Variants in CHN1 observed in about 807,000 individuals in gnomAD.
CHN1 encodes the protein N-chimaerin.
A neutral mutation model predicts 59.5 loss-of-function variants in CHN1; 37 were observed. That is an observed-to-expected ratio of 0.62 (90% CI 0.48 to 0.82). CHN1 has a LOEUF of 0.82. CHN1 is among the 40% of genes least tolerant of loss of function. CHN1 has a pLI of 0.00. For synonymous variants in CHN1, 206 were observed against 200.4 expected, an observed-to-expected ratio of 1.03 and a Z score of -0.24; for missense variants, 469 against 571.0, an observed-to-expected ratio of 0.82 and a Z score of 1.82.
In CHN1 at chr2:174,990,215, T is replaced by G. The variant is rs1331631130; in HGVS notation, c.19+14679A>C. ...ATTGGCAGACTTGGTGTGTGCGGGG[T>G]GTGTGTGTGTGGTGTGTCTGTGTGT... On this transcript the variant is annotated intron_variant, in intron 1 of 12. Transcript: ENST00000409900. Among the ~76,000 whole-genome samples the G allele has an allele frequency of 4.8e-5, 7 of 144,732 alleles. No individual in the cohort carries two copies. In the East Asian group the frequency reaches 1.2e-3, roughly 25 times the overall value. 94.9% of individuals were successfully genotyped at this position (144,732 alleles called of 152,430 possible).
At chr2:174,827,794 C>T (rs954386051) in intron 7 of CHN1, among the ~76,000 whole-genome samples, 3 of 151,922 alleles carry the variant, frequency 2.0e-5, no homozygotes, top group Non-Finnish European at 4.4e-5. Context: ...ACAGAGGCAA[C>T]GGAGAGGGAA....
At chr2:174,925,478 T>G (rs1689140961) in intron 3 of CHN1, among the ~76,000 whole-genome samples, 1 of 152,244 alleles carries the variant, frequency 6.6e-6, no homozygotes, top group Admixed American at 6.5e-5. Context: ...TCCATTCATA[T>G]AGCCAGGCCT....
Position 174,924,092 on chromosome 2 carries a change from C to A in CHN1, c.115-5527G>T, listed in dbSNP as rs577063106. Among the ~76,000 whole-genome samples, 11 of 152,248 alleles carry A rather than the reference C, an allele frequency of 7.2e-5. No homozygotes were observed. The South Asian group carries it at 2.1e-3, about 29-fold the overall frequency. On this transcript the variant is annotated intron_variant, in intron 3 of 12. Transcript: ENST00000409900. ...CATAAGAATTATTTTAAACTGAAGG[C>A]AATTTAGAAACATCAAACATAGACA...
At chr2:174,964,566 C>T (rs950763821) in intron 1 of CHN1, among the ~76,000 whole-genome samples, 6 of 152,116 alleles carry the variant, frequency 3.9e-5, no homozygotes. Context: ...AATCCCAGTC[C>T]AAGAGGCTTA....
At chr2:174,909,308 C>T (rs142356470) in intron 5 of CHN1, among the ~76,000 whole-genome samples, 2 of 152,250 alleles carry the variant, frequency 1.3e-5, no homozygotes, top group African/African-American at 4.8e-5. Context: ...GAAAAGAAAA[C>T]CAGATTTTGT....
At chr2:174,856,767 T>C (rs182317362) in intron 6 of CHN1, among the ~76,000 whole-genome samples, 6 of 152,148 alleles carry the variant, frequency 3.9e-5, no homozygotes, top group East Asian at 1.9e-4. Context: ...ATATTTTTAA[T>C]AGAAATGCAA....
chr2:174,971,266 C>T (rs372021272), intron 1 of CHN1, among the ~76,000 whole-genome samples: 1 of 152,034 alleles, frequency 6.6e-6, no homozygotes, highest in Non-Finnish European at 1.5e-5. Context: ...TGCAGTGAGC[C>T]GAGATCGTGC....
At chr2:174,979,630 C>T (rs1390305945) in intron 1 of CHN1, among the ~76,000 whole-genome samples, 6 of 152,164 alleles carry the variant, frequency 3.9e-5, no homozygotes, top group African/African-American at 1.2e-4. Context: ...CTGGCCAACA[C>T]GGTGAAACCC....
intron 6 of CHN1, chr2:174,847,295 A>C (rs929884019): frequency 9.6e-6 from 13 of 1,352,092 alleles, no homozygotes; most frequent in Non-Finnish European, 1.0e-5. Flanking sequence ...AGCACTTCTT[A>C]AACAGAGGTC....
At chr2:174,843,119 T>C (rs944015681) in intron 7 of CHN1, among the ~76,000 whole-genome samples, 2 of 152,224 alleles carry the variant, frequency 1.3e-5, no homozygotes, top group African/African-American at 4.8e-5. Flanking sequence ...TAGAGCTATC[T>C]GAATTAAGCA....
At chr2:174,993,131 C>G (rs1691600927) in intron 1 of CHN1, among the ~76,000 whole-genome samples, 1 of 151,604 alleles carries the variant, frequency 6.6e-6, no homozygotes, top group Non-Finnish European at 1.5e-5. Context: ...ACCCCCTACC[C>G]TTGTTATATG....
chr2:174,854,503 C>T (rs1686838357), intron 6 of CHN1, among the ~76,000 whole-genome samples: 1 of 152,192 alleles, frequency 6.6e-6, no homozygotes, highest in Admixed American at 6.5e-5. Flanking sequence ...GAGCTAGCGT[C>T]TCATTTTCAC....
At chr2:174,923,842 C>T (rs1689086683) in intron 3 of CHN1, among the ~76,000 whole-genome samples, 1 of 152,158 alleles carries the variant, frequency 6.6e-6, no homozygotes, top group Non-Finnish European at 1.5e-5. Flanking sequence ...TAATTATTTG[C>T]TTTACCCAAA....
At chr2:174,971,330 T>C (rs1314456663) in intron 1 of CHN1, among the ~76,000 whole-genome samples, 1 of 152,138 alleles carries the variant, frequency 6.6e-6, no homozygotes, top group Non-Finnish European at 1.5e-5. Flanking sequence ...AAAAAAAAAG[T>C]CATTTTTCAT....
At chr2:174,954,965 T>C (rs1461095219) in intron 1 of CHN1, among the ~76,000 whole-genome samples, 1 of 151,746 alleles carries the variant, frequency 6.6e-6, no homozygotes, top group Admixed American at 6.6e-5. Context: ...AAGAAGTCAT[T>C]ATATGAAAAA....
intron 2 of CHN1, 63 bp from the exon 3 acceptor site, chr2:174,945,006 A>G: frequency 8.2e-7 from 1 of 1,212,794 alleles, no homozygotes; most frequent in Admixed American, 2.2e-5. Flanking sequence ...AATATATTAG[A>G]AATAAAAACC....
intron 7 of CHN1, among the ~76,000 whole-genome samples, chr2:174,835,962 T>G (rs1441097212): frequency 2.6e-5 from 4 of 152,188 alleles, no homozygotes; most frequent in Non-Finnish European, 5.9e-5. Context: ...CCCACATATA[T>G]GCAGATAAGT....
chr2:174,938,999 T>C (rs1209024597), intron 3 of CHN1, among the ~76,000 whole-genome samples: 1 of 152,164 alleles, frequency 6.6e-6, no homozygotes, highest in East Asian at 1.9e-4. Context: ...ATGAATACAT[T>C]GCTCAATTTA....
chr2:174,847,745 T>G (rs2646204), intron 6 of CHN1: 1 of 647,946 alleles, frequency 1.5e-6, no homozygotes, highest in Non-Finnish European at 2.4e-6. Flanking sequence ...CCTCCTCTCA[T>G]GTAAGTAAGT....
Sources: gnomAD v4.1 joint callset for allele counts (sites outside exome capture counted in the v4.1 genomes callset) on GRCh38, gnomAD v4.1.1 for gene constraint, MANE v1.5 for transcripts, NCBI Gene and HGNC (gene_info 2026-07-23, HGNC 2026-07-21) for gene names.